The following PCTP variants were observed in gnomAD, a reference collection of about 807,000 sequenced individuals.
The protein encoded by PCTP is phosphatidylcholine transfer protein, also known as START domain-containing protein 2.
Under a neutral mutation model 31.0 loss-of-function variants are expected in PCTP, and 27 were observed. The ratio of observed to expected loss-of-function variants is 0.87; its 90% CI spans 0.64 to 1.20. The LOEUF (loss-of-function observed/expected upper bound fraction) is 1.20, where lower values mean the gene tolerates loss of function less well. Ranked by LOEUF, PCTP falls within the 50% of genes most tolerant of loss-of-function variation. PCTP has a pLI of 0.00. For synonymous variants in PCTP, 108 were observed against 101.2 expected, an observed-to-expected ratio of 1.07 and a Z score of -0.40; for missense variants, 287 against 268.2, an observed-to-expected ratio of 1.07 and a Z score of -0.49.
rs56823756 is a variant in PCTP at position 55,819,010 on chromosome 17, C to CAA, written c.318-3725_318-3724dup. Among the ~76,000 whole-genome samples the CAA allele has an allele frequency of 4.3e-3, 219 of 51,078 alleles. 2 individuals carry two copies. The highest frequency in any genetic ancestry group is 6.2e-3 in the East Asian group (7 of 1,124). 33.5% of individuals were successfully genotyped at this position (51,078 alleles called of 152,430 possible). On this transcript the variant is annotated intron_variant, in intron 3 of 3. Coordinates refer to the PCTP transcript ENST00000572536. ...GTCCTACCAGGCTCTGGAAAGAAAT[C>CAA]AAAAAAAAAAAAAAAAAAAAAAAAA...
chr17:55,803,444 A>G (rs1350706186), intron 3 of PCTP, among the ~76,000 whole-genome samples: 1 of 152,228 alleles, frequency 6.6e-6, no homozygotes, highest in Non-Finnish European at 1.5e-5. Flanking sequence ...GCATCACACT[A>G]CTTGACTTCA....
downstream of PCTP, among the ~76,000 whole-genome samples, chr17:55,843,500 A>G (rs1029132526): frequency 1.3e-5 from 2 of 152,182 alleles, no homozygotes; most frequent in African/African-American, 4.8e-5. Context: ...GTGGTGTTTC[A>G]TGCGGCAGTG....
At chr17:55,781,005 A>G (rs1597993664), downstream of PCTP, among the ~76,000 whole-genome samples, 2 of 145,682 alleles carry the variant, frequency 1.4e-5, no homozygotes, top group African/African-American at 5.3e-5. Context: ...TATTTAAGCC[A>G]CAGCATGTAA....
chr17:55,815,360 A>T (rs1306540914), intron 3 of PCTP, among the ~76,000 whole-genome samples: 1 of 152,180 alleles, frequency 6.6e-6, no homozygotes, highest in Non-Finnish European at 1.5e-5. Context: ...AATCAAGCCC[A>T]CTCCGCTAAA....
chr17:55,768,748 A>C (rs370525622), intron 2 of PCTP: 5 of 152,170 alleles, frequency 3.3e-5, no homozygotes, highest in African/African-American at 1.2e-4. Flanking sequence ...TAGCATGGCG[A>C]CCAGGCTATC....
chr17:55,805,438 C>T (rs1912543894), intron 3 of PCTP, among the ~76,000 whole-genome samples: 1 of 152,040 alleles, frequency 6.6e-6, no homozygotes, highest in African/African-American at 2.4e-5. Context: ...TTACTTCCCA[C>T]TTATAAGTGA....
intron 3 of PCTP, among the ~76,000 whole-genome samples, chr17:55,808,953 C>T (rs779378179): frequency 2.1e-4 from 32 of 152,178 alleles, no homozygotes; most frequent in African/African-American, 7.2e-5. Context: ...AAGTATTTCT[C>T]CTCAATATCT....
intron 2 of PCTP, among the ~76,000 whole-genome samples, chr17:55,785,108 G>A (rs1257857692): frequency 1.3e-5 from 2 of 152,256 alleles, no homozygotes; most frequent in Admixed American, 6.5e-5. Context: ...TAGAGCAAGA[G>A]TGATGGGATG....
chr17:55,754,761 A>G (rs12945382), intron 1 of PCTP, among the ~76,000 whole-genome samples: 17,212 of 152,178 alleles, frequency 0.11, 1,104 homozygotes, highest in African/African-American at 0.17. Context: ...CCTGAGGCCT[A>G]AAGTGCACCA....
At chr17:55,815,325 A>G (rs543600361) in intron 3 of PCTP, among the ~76,000 whole-genome samples, 137 of 152,338 alleles carry the variant, frequency 9.0e-4, no homozygotes, top group African/African-American at 2.9e-3. Flanking sequence ...GCAAAGGTAA[A>G]TGTGGAAATA....
rs570487901 is a variant in PCTP, at chr17:55,771,161, C to A, written c.315C>A (p.Tyr105Ter). The A allele has an allele frequency of 2.5e-6, 4 of 1,612,150 alleles. No homozygotes were observed. In the East Asian group the frequency reaches 8.9e-5, roughly 36 times the overall value. Residue 105 changes from tyrosine to a stop codon, truncating the protein, a stop_gained, in exon 3 of 6, where the codon TAC becomes TAA. Transcript: ENST00000268896. LOFTEE classifies it high-confidence loss of function. ...GETVVYWEVK[Y>*]PFPMSNRDYV... ...CTGTGGTCTACTGGGAAGTGAAGTA[C>A]CCTTTTCCCATGTCCAACAGAGACG...
chr17:55,816,795 G>T (rs1345648080), intron 3 of PCTP, among the ~76,000 whole-genome samples: 1 of 152,222 alleles, frequency 6.6e-6, no homozygotes, highest in Non-Finnish European at 1.5e-5. Context: ...ATGCACTAAA[G>T]ACCATGTAAT....
intron 1 of PCTP, 27 bp downstream of exon 1, chr17:55,751,271 C>A: frequency 1.3e-6 from 2 of 1,527,922 alleles, no homozygotes; most frequent in South Asian, 1.2e-5. Context: ...TGGAGGACCG[C>A]GGGGCCTAGA....
At chr17:55,806,316 G>T (rs1383480462) in intron 3 of PCTP, among the ~76,000 whole-genome samples, 2 of 152,078 alleles carry the variant, frequency 1.3e-5, no homozygotes, top group East Asian at 3.9e-4. Context: ...TTACTGGCTT[G>T]CAAGAAACTG....
chr17:55,762,124 C>T (rs552265590), intron 1 of PCTP, among the ~76,000 whole-genome samples: 2 of 152,184 alleles, frequency 1.3e-5, no homozygotes, highest in Admixed American at 1.3e-4. Flanking sequence ...ATGGCATGAT[C>T]GGATAGCAGA....
Position 55,775,952 on chromosome 17 carries a change from A to G in PCTP, c.580-83A>G, listed in dbSNP as rs1356718160. 1.9e-6 allele frequency: 3 copies of G among 1,567,058 alleles called. No individual in the cohort carries two copies. In the East Asian group the frequency reaches 6.8e-5, roughly 36 times the overall value. Reference sequence around the variant, plus strand: ...CATTTTTGTTCGTCCTAAAGCCAACATTGTTTACCTTCTGCCACATCCCAA... The same window carrying G: ...CATTTTTGTTCGTCCTAAAGCCAACGTTGTTTACCTTCTGCCACATCCCAA... On this transcript the variant is annotated intron_variant, in intron 5 of 5. Transcript: ENST00000268896.
At chr17:55,779,874 A>T (rs1911497087), downstream of PCTP, among the ~76,000 whole-genome samples, 1 of 152,140 alleles carries the variant, frequency 6.6e-6, no homozygotes, top group South Asian at 2.1e-4. Flanking sequence ...AAAAGGCTGG[A>T]GGGAGGGGAC....
rs555516254 is a variant in PCTP at position 55,756,619 on chromosome 17, A to G, written c.141+5375A>G. 1.7e-3 allele frequency among the ~76,000 whole-genome samples: 261 copies of G among 152,116 alleles called. 1 individual carries two copies. Among genetic ancestry groups the G allele is most frequent in the Non-Finnish European group, 3.0e-3 (207 of 68,024 alleles). On this transcript the variant is annotated intron_variant, in intron 1 of 5. Coordinates refer to ENST00000268896, the MANE Select transcript of PCTP (RefSeq NM_021213.4). Reference sequence around the variant, plus strand: ...TCCTTTTGAGAGGCTCCCCCTTCACATAGGGGTTAATTATTTTGTCCTCTC... The same window carrying G: ...TCCTTTTGAGAGGCTCCCCCTTCACGTAGGGGTTAATTATTTTGTCCTCTC...
intron 3 of PCTP, among the ~76,000 whole-genome samples, chr17:55,789,608 G>A (rs76741888): frequency 1.3e-5 from 2 of 152,066 alleles, no homozygotes; most frequent in African/African-American, 2.4e-5. Context: ...TCCTGTGAAG[G>A]CTTCCTAAAT....
Sources: gnomAD v4.1 joint callset for allele counts (sites outside exome capture counted in the v4.1 genomes callset) on GRCh38, gnomAD v4.1.1 for gene constraint, MANE v1.5 for transcripts, NCBI Gene and HGNC (gene_info 2026-07-23, HGNC 2026-07-21) for gene names.